NFIB: variants seen among roughly 807,000 people sequenced by gnomAD.
NFIB encodes nuclear factor I B.
In NFIB, 11 loss-of-function variants were observed where a neutral mutation model predicts 61.5. The ratio of observed to expected loss-of-function variants is 0.18; its 90% CI spans 0.11 to 0.30. The LOEUF (loss-of-function observed/expected upper bound fraction) is 0.30. NFIB is among the 10% of genes least tolerant of loss of function. The pLI is 1.00. For missense variants in NFIB, 471 were observed against 608.9 expected, an observed-to-expected ratio of 0.77 and a Z score of 2.38; for synonymous variants, 260 against 216.5, an observed-to-expected ratio of 1.20 and a Z score of -1.76.
the NFIB span, among the ~76,000 whole-genome samples, chr9:14,418,928 C>T: frequency 6.6e-6 from 1 of 152,126 alleles, no homozygotes; most frequent in Non-Finnish European, 1.5e-5. Context: ...CATTTTACCC[C>T]AGTAAATGAG....
the NFIB span, among the ~76,000 whole-genome samples, chr9:14,455,167 G>T: frequency 6.6e-6 from 1 of 152,166 alleles, no homozygotes; most frequent in East Asian, 1.9e-4. Context: ...ATAGAGATAT[G>T]TAATGGAGAC....
chr9:14,124,658 G>A (rs974096901), intron 7 of NFIB, among the ~76,000 whole-genome samples: 8 of 152,072 alleles, frequency 5.3e-5, no homozygotes, highest in African/African-American at 1.9e-4. Context: ...CACCTAAAAT[G>A]CAGTCTACTC....
chr9:14,407,596 G>T, the NFIB span, among the ~76,000 whole-genome samples: 1 of 152,118 alleles, frequency 6.6e-6, no homozygotes, highest in East Asian at 1.9e-4. Flanking sequence ...ATGAATTAAA[G>T]ATAATATATA....
chr9:14,157,860 T>C (rs763294334), intron 3 of NFIB, among the ~76,000 whole-genome samples: 1 of 152,028 alleles, frequency 6.6e-6, no homozygotes, highest in Non-Finnish European at 1.5e-5. Context: ...GTACAAAACC[T>C]TCTTTATCTT....
At chr9:14,421,204 A>G in the NFIB span, among the ~76,000 whole-genome samples, 1 of 152,138 alleles carries the variant, frequency 6.6e-6, no homozygotes, top group African/African-American at 2.4e-5. Context: ...TCTAGATGCC[A>G]ATTCTTATGA....
At chr9:14,104,459 A>G in intron 10 of NFIB, among the ~76,000 whole-genome samples, 1 of 152,114 alleles carries the variant, frequency 6.6e-6, no homozygotes, top group Admixed American at 6.5e-5. Context: ...AAGTTTTAAA[A>G]GTACAATGAA....
intron 8 of NFIB, among the ~76,000 whole-genome samples, chr9:14,118,517 T>A (rs895427021): frequency 1.3e-5 from 2 of 152,104 alleles, no homozygotes; most frequent in Non-Finnish European, 1.5e-5. Context: ...ACAACTTTCC[T>A]AAAACTCAGG....
chr9:14,172,584 C>CT (rs771885358), intron 3 of NFIB, among the ~76,000 whole-genome samples: 1 of 152,176 alleles, frequency 6.6e-6, no homozygotes, highest in Non-Finnish European at 1.5e-5. Flanking sequence ...TCCACCTTTC[C>CT]TTTTATGCCA....
At chr9:14,237,461 C>T (rs540457622) in intron 2 of NFIB, among the ~76,000 whole-genome samples, 5 of 150,786 alleles carry the variant, frequency 3.3e-5, no homozygotes, top group Admixed American at 6.7e-5. Context: ...ATACCATTGC[C>T]CACTGAGCAC....
At chr9:14,184,837 G>A (rs928672456) in intron 2 of NFIB, among the ~76,000 whole-genome samples, 3 of 152,022 alleles carry the variant, frequency 2.0e-5, no homozygotes, top group African/African-American at 7.2e-5. Context: ...CCTGGCCAAC[G>A]TGGTGAAACC....
chr9:14,331,873 A>G (rs1428346404), intron 1 of NFIB, among the ~76,000 whole-genome samples: 1 of 152,144 alleles, frequency 6.6e-6, no homozygotes, highest in South Asian at 2.1e-4. Flanking sequence ...CTCAATAAAT[A>G]TTTTCTGAAT....
intron 1 of NFIB, among the ~76,000 whole-genome samples, chr9:14,383,728 G>T (rs1402488447): frequency 1.3e-5 from 2 of 152,218 alleles, no homozygotes; most frequent in Non-Finnish European, 2.9e-5. Context: ...CATCATGGCA[G>T]AGAGCGTACT....
chr9:14,274,491 T>C (rs1188232370), intron 2 of NFIB, among the ~76,000 whole-genome samples: 1 of 152,292 alleles, frequency 6.6e-6, no homozygotes, highest in East Asian at 1.9e-4. Flanking sequence ...CTTTTCTTTG[T>C]CGTTTTTGTT....
chr9:14,523,065 A>C, the NFIB span, among the ~76,000 whole-genome samples: 1 of 152,146 alleles, frequency 6.6e-6, no homozygotes, highest in South Asian at 2.1e-4. Context: ...GCTGGTATAG[A>C]AGGGTAGTGT....
chr9:14,321,816 G>C (rs1186958925), intron 1 of NFIB: 4 of 1,110,328 alleles, frequency 3.6e-6, no homozygotes, highest in Non-Finnish European at 3.4e-6. Flanking sequence ...TGACATTTAG[G>C]AAAGGGGTAA....
chr9:14,322,749 T>TGGCGGCCTGCGCCGCGC (rs939301662), intron 1 of NFIB, among the ~76,000 whole-genome samples: 307 of 151,378 alleles, frequency 2.0e-3, no homozygotes, highest in African/African-American at 7.1e-3. Context: ...CGAGTGGGTG[T>TGGCGGCCTGCGCCGCGC]GGCGGCCTGC....
intron 9 of NFIB, 72 bp from the exon 10 acceptor site, chr9:14,113,153 G>C (rs1198546496): frequency 1.5e-6 from 2 of 1,335,818 alleles, no homozygotes; most frequent in African/African-American, 3.0e-5. Context: ...CCATGTATAA[G>C]AAACCCAGAG....
At chr9:14,240,272 TC>T (rs2054217704) in intron 2 of NFIB, among the ~76,000 whole-genome samples, 4 of 152,022 alleles carry the variant, frequency 2.6e-5, no homozygotes, top group Admixed American at 2.6e-4. Flanking sequence ...TCTCTTTCTC[TC>T]CCTCTCTCTC....
chr9:14,307,815 A>C lies in NFIB; in HGVS notation c.31-295T>G. 4.2e-6 allele frequency: 1 copy of C among 240,924 alleles called. No homozygotes were observed. The highest frequency in any genetic ancestry group is 8.1e-6 in the Non-Finnish European group (1 of 123,154). 14.9% of individuals were successfully genotyped at this position (240,924 alleles called of 1,614,324 possible). ...CCCCATCCCCCTTGTTTCCACCCCA[A>C]TGCCATGCATTCTACATTCTTTAAA... is the stretch of plus-strand genomic sequence containing the variant. On this transcript the variant is annotated intron_variant, in intron 1 of 10. Coordinates refer to ENST00000380953, the MANE Select transcript of NFIB (RefSeq NM_001190737.2). This position sits in a 1 kb window ranked among gnomAD's most constrained non-coding sequence, Gnocchi z 5.3.
Sources: allele counts gnomAD v4.1 joint callset (sites outside exome capture counted in the v4.1 genomes callset), GRCh38; gene constraint gnomAD v4.1.1; non-coding constraint Gnocchi (gnomAD v3.1); transcripts MANE v1.5; gene names NCBI Gene and HGNC (gene_info 2026-07-23, HGNC 2026-07-21).